Variants in SLC16A7 observed in about 807,000 individuals in gnomAD.
The protein encoded by SLC16A7 is monocarboxylate transporter 2.
SLC16A7 carries 33 observed loss-of-function variants against 34.9 expected under a neutral mutation model. The ratio of observed to expected loss-of-function variants is 0.94; its 90% CI spans 0.72 to 1.26. The LOEUF (loss-of-function observed/expected upper bound fraction) is 1.26. Among genes scored for constraint, SLC16A7 ranks in the 50% most tolerant of loss-of-function variants. The pLI is 0.00. For missense variants in SLC16A7, 573 were observed against 578.1 expected, an observed-to-expected ratio of 0.99 and a Z score of 0.09; for synonymous variants, 201 against 206.6, an observed-to-expected ratio of 0.97 and a Z score of 0.23.
chr12:59,619,777 C>T (rs1879615257), intron 1 of SLC16A7, among the ~76,000 whole-genome samples: 2 of 151,952 alleles, frequency 1.3e-5, no homozygotes, highest in Admixed American at 1.3e-4. Flanking sequence ...AAGAATGGGA[C>T]ATATGTTCTA....
At chr12:59,680,253 G>A (rs778525699) in intron 2 of SLC16A7, among the ~76,000 whole-genome samples, 14 of 152,186 alleles carry the variant, frequency 9.2e-5, no homozygotes, top group South Asian at 4.1e-4. Context: ...CAGTGAGGTG[G>A]TCCTGAGAGC....
In SLC16A7 at chr12:59,786,073, AT is replaced by A. The variant is rs1337935653; in HGVS notation, c.*6395del. The A allele has an allele frequency of 6.6e-6, 1 of 151,096 alleles. No homozygotes were observed. Among genetic ancestry groups the A allele is most frequent in the Non-Finnish European group, 1.5e-5 (1 of 67,774 alleles). 9.4% of individuals were successfully genotyped at this position (151,096 alleles called of 1,614,324 possible). ...GGGGGGAGGGATAGCATTGGGAGAT[AT>A]ACCTAATGCTAGGTGACGAGTTAGT... On this transcript the variant is annotated 3_prime_UTR_variant, in exon 6 of 6. Coordinates refer to ENST00000547379, the MANE Select transcript of SLC16A7 (RefSeq NM_001270623.2).
intron 1 of SLC16A7, among the ~76,000 whole-genome samples, chr12:59,623,952 G>GT (rs933518640): frequency 2.6e-5 from 4 of 151,154 alleles, no homozygotes; most frequent in Admixed American, 6.6e-5. Context: ...TTATTTTATA[G>GT]TTTTTTTCTG....
intron 1 of SLC16A7, among the ~76,000 whole-genome samples, chr12:59,635,213 T>A (rs1444259467): frequency 6.6e-6 from 1 of 152,048 alleles, no homozygotes; most frequent in Non-Finnish European, 1.5e-5. Context: ...CCTATAAATC[T>A]CAGCTTGGAG....
intron 2 of SLC16A7, among the ~76,000 whole-genome samples, chr12:59,658,287 G>A (rs574843687): frequency 7.7e-4 from 117 of 151,986 alleles, no homozygotes; most frequent in African/African-American, 2.8e-3. Context: ...TCACTAATTG[G>A]CATCTCATTT....
chr12:59,684,646 T>C (rs1014036925), intron 2 of SLC16A7, among the ~76,000 whole-genome samples: 3 of 151,838 alleles, frequency 2.0e-5, no homozygotes, highest in Non-Finnish European at 4.4e-5. Flanking sequence ...CAAACATGAG[T>C]GTGTAGACTG....
chr12:59,651,505 T>A (rs1868341848), intron 1 of SLC16A7, among the ~76,000 whole-genome samples: 2 of 152,282 alleles, frequency 1.3e-5, no homozygotes, highest in South Asian at 4.1e-4. Context: ...GTGTTTACAG[T>A]TATATACATG....
intron 3 of SLC16A7, among the ~76,000 whole-genome samples, chr12:59,713,894 A>G (rs1396279056): frequency 6.6e-6 from 1 of 152,252 alleles, no homozygotes; most frequent in Non-Finnish European, 1.5e-5. Context: ...TGGAAAAACC[A>G]CAGCGAGCCA....
chr12:59,749,071 A>G (rs1418191014), intron 3 of SLC16A7, among the ~76,000 whole-genome samples: 1 of 152,226 alleles, frequency 6.6e-6, no homozygotes, highest in East Asian at 1.9e-4. Flanking sequence ...CAGGTTTTTA[A>G]TGCAGACAAA....
chr12:59,662,897 T>C (rs1868931667), intron 2 of SLC16A7, among the ~76,000 whole-genome samples: 1 of 152,128 alleles, frequency 6.6e-6, no homozygotes, highest in Non-Finnish European at 1.5e-5. Context: ...GTTAAGGTAA[T>C]GTAGTAGAAG....
rs1565731174 is a variant in SLC16A7 at position 59,786,201 on chromosome 12, AAAAT to A, written c.*6526_*6529del. 1 of 151,250 alleles carries A rather than the reference AAAAT, an allele frequency of 6.6e-6. No homozygotes were observed. Among genetic ancestry groups the A allele is most frequent in the African/African-American group, 2.4e-5 (1 of 41,290 alleles). 9.4% of individuals were successfully genotyped at this position (151,250 alleles called of 1,614,324 possible). ...AAAGTATAATAATAATAAATAAAAT[AAAAT>A]AAAATAATAAAAATAAAAATAAAAT... On this transcript the variant is annotated 3_prime_UTR_variant, in exon 6 of 6. Transcript: ENST00000547379.
intron 3 of SLC16A7, chr12:59,734,067 G>T (rs912206124): frequency 3.8e-6 from 1 of 266,290 alleles, no homozygotes; most frequent in African/African-American, 2.2e-5. Flanking sequence ...AGAACTGACA[G>T]TCTGACCCCC....
intron 3 of SLC16A7, among the ~76,000 whole-genome samples, chr12:59,754,226 A>G (rs1242348751): frequency 1.3e-5 from 2 of 152,322 alleles, no homozygotes; most frequent in Non-Finnish European, 2.9e-5. Context: ...TACATTCAAA[A>G]GCTAGGAGAA....
intron 1 of SLC16A7, among the ~76,000 whole-genome samples, chr12:59,620,781 A>C (rs1879664403): frequency 6.6e-6 from 1 of 151,902 alleles, no homozygotes; most frequent in Non-Finnish European, 1.5e-5. Flanking sequence ...AGCATATGGG[A>C]GTATTAATCA....
chr12:59,727,170 A>ATATATAAAAT (rs1555174538), intron 3 of SLC16A7, among the ~76,000 whole-genome samples: 3 of 144,380 alleles, frequency 2.1e-5, no homozygotes, highest in African/African-American at 8.0e-5. Flanking sequence ...ATATATATAT[A>ATATATAAAAT]ATATATATAT....
At chr12:59,759,554 G>A (rs1298704853) in intron 3 of SLC16A7, among the ~76,000 whole-genome samples, 1 of 151,732 alleles carries the variant, frequency 6.6e-6, no homozygotes, top group African/African-American at 2.4e-5. Context: ...ACAGATTACT[G>A]AACTATGAAA....
At chr12:59,741,368 A>T (rs1357203006) in intron 3 of SLC16A7, among the ~76,000 whole-genome samples, 2 of 152,180 alleles carry the variant, frequency 1.3e-5, no homozygotes, top group Non-Finnish European at 2.9e-5. Flanking sequence ...TGGTGTCAGG[A>T]GGAACAAACT....
At chr12:59,729,653 C>A (rs1022531470) in intron 3 of SLC16A7, among the ~76,000 whole-genome samples, 3 of 152,042 alleles carry the variant, frequency 2.0e-5, no homozygotes, top group Admixed American at 6.6e-5. Flanking sequence ...TTTTGTGGTT[C>A]TTAAAAAGAT....
chr12:59,698,829 A>G (rs999073779), intron 2 of SLC16A7, among the ~76,000 whole-genome samples: 1 of 151,776 alleles, frequency 6.6e-6, no homozygotes, highest in Non-Finnish European at 1.5e-5. Context: ...CAGCTATTGC[A>G]AACTGTGATT....
Sources: gnomAD v4.1 joint callset for allele counts (sites outside exome capture counted in the v4.1 genomes callset) on GRCh38, gnomAD v4.1.1 for gene constraint, MANE v1.5 for transcripts, NCBI Gene and HGNC (gene_info 2026-07-23, HGNC 2026-07-21) for gene names.